The following RNF34 variants were observed in gnomAD, a reference collection of about 807,000 sequenced individuals.
RNF34 encodes E3 ubiquitin-protein ligase RNF34.
In RNF34, 12 loss-of-function variants were observed where a neutral mutation model predicts 37.9. The observed-to-expected ratio is 0.32, with a 90% CI of 0.20 to 0.51. The LOEUF (loss-of-function observed/expected upper bound fraction) is 0.51. Among genes scored for constraint, RNF34 ranks in the 20% least tolerant of loss-of-function variants. The probability of loss-of-function intolerance (pLI) is 0.97; values close to 1 mark genes in which losing one functional copy is unlikely to be tolerated. For synonymous variants in RNF34, 155 were observed against 177.2 expected (o/e 0.87, Z 1.00); for missense variants, 362 against 472.7 (o/e 0.77, Z 2.17).
rs782302427 is a variant in RNF34, at chr12:121,420,226, C to T, written c.634-16C>T. ...GATTGATTCCTGACCTAATCAGATA[C>T]GTTGTATAAGTGTAGGTACAAAGTG... On this transcript the variant is annotated splice_polypyrimidine_tract_variant and intron_variant, in intron 3 of 5. Transcript: ENST00000361234. The T allele has an allele frequency of 1.2e-5, 19 of 1,607,640 alleles. No individual in the cohort carries two copies. Among genetic ancestry groups the T allele is most frequent in the Admixed American group, 1.7e-5 (1 of 59,878 alleles).
chr12:121,423,541 T>C lies in RNF34; in HGVS notation c.1084T>C (p.Tyr362His). 6.2e-7 allele frequency: 1 copy of C among 1,614,166 alleles called. No homozygotes were observed. The highest frequency in any genetic ancestry group is 8.5e-7 in the Non-Finnish European group (1 of 1,180,032). ...GAGTGAGTGTCCCATCTGCCGGCAGTATGTGGTGCGAGCCGTGCACGTGTT... is the reference window on the plus strand; with the variant it reads ...GAGTGAGTGTCCCATCTGCCGGCAGCATGTGGTGCGAGCCGTGCACGTGTT... ...RMSECPICRQYVVRAVHVFKS is the reference protein window; with the variant it reads ...RMSECPICRQHVVRAVHVFKS Residue 362 changes from tyrosine to histidine, a missense_variant, in exon 6 of 6, where the codon TAT (tyrosine) becomes CAT (histidine). Coordinates refer to ENST00000361234, the MANE Select transcript of RNF34 (RefSeq NM_025126.4). This position sits in a 1 kb window ranked among gnomAD's most constrained non-coding sequence, Gnocchi z 4.3.
In RNF34 at chr12:121,404,342, C is replaced by T. The variant is rs112419342; in HGVS notation, c.6+4124C>T. On this transcript the variant is annotated intron_variant, in intron 1 of 5. Coordinates refer to ENST00000361234, the MANE Select transcript of RNF34 (RefSeq NM_025126.4). ...TTTTCATACTCATAAACTTTCTTTT[C>T]CCACTCTCCCCCTATACTTCTCTTG... 3.4e-3 allele frequency among the ~76,000 whole-genome samples: 506 copies of T among 149,808 alleles called. 4 individuals carry two copies. Among genetic ancestry groups the T allele is most frequent in the African/African-American group, 0.012 (484 of 40,514 alleles).
In RNF34 at chr12:121,417,636, G is replaced by T. The variant is rs371636385; in HGVS notation, c.358G>T (p.Val120Leu). Residue 120 changes from valine (V) to leucine (L), a missense_variant, in exon 3 of 6, where the codon GTG becomes TTG. Physicochemically the swap from Val to Leu is conservative, Grantham distance 32. Coordinates refer to ENST00000361234, the MANE Select transcript of RNF34 (RefSeq NM_025126.4). The surrounding 1 kb of genome is among the most constrained non-coding windows in gnomAD (Gnocchi z 5.0). Reference protein sequence around the residue: ...FQRPQLMRLKVKDLRQYLILR... With the variant: ...FQRPQLMRLKLKDLRQYLILR... Reference sequence around the variant, plus strand: ...GCGCCCTCAGTTAATGCGACTGAAGGTGAAGGACCTGCGGCAGTATCTCAT... The same window carrying T: ...GCGCCCTCAGTTAATGCGACTGAAGTTGAAGGACCTGCGGCAGTATCTCAT... 5 of 1,614,118 alleles carry T rather than the reference G, an allele frequency of 3.1e-6. No homozygotes were observed. Among genetic ancestry groups the T allele is most frequent in the Non-Finnish European group, 4.2e-6 (5 of 1,180,054 alleles).
At chr12:121,416,499 T>G in intron 2 of RNF34, 122 bp downstream of exon 2, 1 of 707,440 alleles carries the variant, frequency 1.4e-6, no homozygotes, top group Non-Finnish European at 2.4e-6. Context: ...TTAGTTCCAT[T>G]AGCCATTTTC....
At chr12:121,416,399 A>C in intron 2 of RNF34, 22 bp downstream of exon 2, 1 of 1,456,312 alleles carries the variant, frequency 6.9e-7, no homozygotes, top group South Asian at 1.1e-5. Flanking sequence ...GAAATGTTAC[A>C]TAACAACACA....
At chr12:121,402,882 C>A in intron 1 of RNF34, 1 of 1,105,584 alleles carries the variant, frequency 9.0e-7, no homozygotes, top group Non-Finnish European at 1.4e-6. Context: ...AAAAGTATTA[C>A]ATTTTAGAGT....
At chr12:121,416,482 C>A in intron 2 of RNF34, 105 bp downstream of exon 2, 1 of 832,186 alleles carries the variant, frequency 1.2e-6, no homozygotes, top group Non-Finnish European at 1.9e-6. Flanking sequence ...ATAAAAATAT[C>A]AAAAGCTTAG....
chr12:121,420,617 C>CT lies in RNF34; in HGVS notation c.768dup (p.Asp257Ter). The CT allele has an allele frequency of 6.2e-7, 1 of 1,614,174 alleles. No homozygotes were observed. Among genetic ancestry groups the CT allele is most frequent in the Non-Finnish European group, 8.5e-7 (1 of 1,180,020 alleles). ...AAGGAGAGAGTGAGAGCTTCACTGT[C>CT]TGACTTGTCAAGCCTTGATGATGTG... On this transcript the variant is annotated frameshift_variant, in exon 5 of 6. Transcript: ENST00000361234. LOFTEE classifies it high-confidence loss of function.
chr12:121,407,445 TA>T (rs1555280799), intron 1 of RNF34, among the ~76,000 whole-genome samples: 1 of 152,182 alleles, frequency 6.6e-6, no homozygotes, highest in African/African-American at 2.4e-5. Context: ...GGGGTATGCC[TA>T]GTATACAACA....
intron 1 of RNF34, among the ~76,000 whole-genome samples, chr12:121,405,952 TC>T (rs1386780772): frequency 1.3e-5 from 2 of 151,096 alleles, no homozygotes; most frequent in Admixed American, 1.3e-4. Flanking sequence ...TGCTACCACG[TC>T]CAGCTAATTT....
chr12:121,415,202 A>T lies in RNF34; in HGVS notation c.7-957A>T, dbSNP rs1024065143. On this transcript the variant is annotated intron_variant, in intron 1 of 5. Coordinates refer to ENST00000361234, the MANE Select transcript of RNF34 (RefSeq NM_025126.4). ...TGTCTACAACTTCAGGTACAAAAAA[A>T]TCTAGAGAGAGTTTCAGTTGGTGTT... 1.8e-4 allele frequency: 39 copies of T among 216,074 alleles called. 1 individual carries two copies. The highest frequency in any genetic ancestry group is 1.7e-3 in the Admixed American group (39 of 22,994). The allele number at this position is 216,074 out of a possible 1,614,324, so 13.4% of individuals were successfully genotyped here. A position where few individuals can be genotyped will look rare whatever the true frequency, so the allele number is the denominator to read the frequency against.
intron 1 of RNF34, among the ~76,000 whole-genome samples, chr12:121,407,455 C>T (rs1870656118): frequency 6.6e-6 from 1 of 152,186 alleles, no homozygotes; most frequent in Non-Finnish European, 1.5e-5. Context: ...TAGTATACAA[C>T]AACTCAGTGA....
chr12:121,422,724 T>A (rs1872272071), intron 5 of RNF34, among the ~76,000 whole-genome samples: 2 of 151,972 alleles, frequency 1.3e-5, no homozygotes. Context: ...CAGGCTGGGG[T>A]TAACTTTTTT....
intron 1 of RNF34, among the ~76,000 whole-genome samples, chr12:121,414,106 T>C (rs1197316021): frequency 6.6e-6 from 1 of 152,222 alleles, no homozygotes; most frequent in African/African-American, 2.4e-5. Context: ...TTGAGGGCTT[T>C]TTATTTGCTT....
chr12:121,414,337 C>T (rs187798086), intron 1 of RNF34, among the ~76,000 whole-genome samples: 52 of 152,354 alleles, frequency 3.4e-4, no homozygotes, highest in Admixed American at 3.1e-3. Context: ...GTTCTAAACA[C>T]TATAGCTTTT....
intron 1 of RNF34, among the ~76,000 whole-genome samples, chr12:121,407,765 C>G (rs1870685688): frequency 6.6e-6 from 1 of 152,140 alleles, no homozygotes; most frequent in Non-Finnish European, 1.5e-5. Flanking sequence ...ACTTAGGTCT[C>G]TAAAGCTTTT....
At chr12:121,418,313 C>T (rs1871769996) in intron 3 of RNF34, 1 of 166,184 alleles carries the variant, frequency 6.0e-6, no homozygotes, top group Admixed American at 5.9e-5. Flanking sequence ...GCCCATTTGT[C>T]TTGCTACAGT....
chr12:121,416,111 C>T, intron 1 of RNF34, 48 bp from the exon 2 acceptor site: 8 of 1,504,794 alleles, frequency 5.3e-6, no homozygotes, highest in Non-Finnish European at 7.4e-6. Context: ...TCCCAGAGAG[C>T]CCAGATTCCA....
In RNF34 at chr12:121,417,159, G is replaced by A. The variant is rs1046570821; in HGVS notation, c.226-345G>A. Among the ~76,000 whole-genome samples, 18 of 152,194 alleles carry A rather than the reference G, an allele frequency of 1.2e-4. No individual in the cohort carries two copies. The highest frequency in any genetic ancestry group is 4.3e-4 in the African/African-American group (18 of 41,448). On this transcript the variant is annotated intron_variant, in intron 2 of 5. Transcript: ENST00000361234. This position sits in a 1 kb window ranked among gnomAD's most constrained non-coding sequence, Gnocchi z 5.0. ...TTAAATGGAGGAAATTGTTCATGTA[G>A]GAAAAGACCAGGAAGTGTGATTCTG...
Sources: allele counts gnomAD v4.1 joint callset (sites outside exome capture counted in the v4.1 genomes callset), GRCh38; gene constraint gnomAD v4.1.1; non-coding constraint Gnocchi (gnomAD v3.1); transcripts MANE v1.5; gene names NCBI Gene and HGNC (gene_info 2026-07-23, HGNC 2026-07-21).